Variants in LINGO2 observed in about 807,000 individuals in gnomAD.
LINGO2 encodes the protein leucine-rich repeat and immunoglobulin-like domain-containing nogo receptor-interacting protein 2.
A neutral mutation model predicts 30.6 loss-of-function variants in LINGO2; 14 were observed. The observed-to-expected ratio is 0.46, with a 90% confidence interval of 0.30 to 0.72. The LOEUF (loss-of-function observed/expected upper bound fraction) is 0.72. LINGO2 is among the 30% of genes least tolerant of loss of function. The probability of loss-of-function intolerance (pLI) is 0.07; values close to 1 mark genes in which losing one functional copy is unlikely to be tolerated. For missense variants in LINGO2, 729 were observed against 751.7 expected, an observed-to-expected ratio of 0.97 and a Z score of 0.35; for synonymous variants, 317 against 288.5, an observed-to-expected ratio of 1.10 and a Z score of -1.00.
chr9:29,161,799 A>G, the LINGO2 span, among the ~76,000 whole-genome samples: 1 of 152,248 alleles, frequency 6.6e-6, no homozygotes, highest in Non-Finnish European at 1.5e-5. Flanking sequence ...TAGTAACAAT[A>G]AAAACTATAA....
At chr9:28,502,445 G>C (rs1819929736) in intron 1 of LINGO2, among the ~76,000 whole-genome samples, 2 of 151,938 alleles carry the variant, frequency 1.3e-5, no homozygotes, top group African/African-American at 2.4e-5. Flanking sequence ...TGAAATTTCA[G>C]GATTTCAATC....
intron 4 of LINGO2, among the ~76,000 whole-genome samples, chr9:28,049,336 ACGT>A (rs1824565360): frequency 6.6e-6 from 1 of 150,840 alleles, no homozygotes; most frequent in Middle Eastern, 3.2e-3. Flanking sequence ...ACAACATAGT[ACGT>A]ACAGTACTAG....
chr9:29,069,856 C>T, the LINGO2 span, among the ~76,000 whole-genome samples: 3 of 151,964 alleles, frequency 2.0e-5, no homozygotes, highest in Admixed American at 2.0e-4. Flanking sequence ...ATAGCCAGGA[C>T]TATAAATCAA....
At chr9:29,153,697 T>C in the LINGO2 span, among the ~76,000 whole-genome samples, 1 of 152,234 alleles carries the variant, frequency 6.6e-6, no homozygotes, top group African/African-American at 2.4e-5. Flanking sequence ...AAGCTGAACT[T>C]ATTTTTCTAA....
the LINGO2 span, among the ~76,000 whole-genome samples, chr9:28,980,523 C>T: frequency 1.3e-5 from 2 of 152,080 alleles, no homozygotes; most frequent in Non-Finnish European, 2.9e-5. Context: ...TTCCTCTTCT[C>T]TCCTTTGCTT....
rs565538468 is a variant in LINGO2, at chr9:28,111,260, T to A, written c.-86-98855A>T. Among the ~76,000 whole-genome samples the A allele has an allele frequency of 2.6e-5, 4 of 151,978 alleles. No homozygotes were observed. In the South Asian group the frequency reaches 8.3e-4, roughly 31 times the overall value. On this transcript the variant is annotated intron_variant, in intron 4 of 5. Coordinates refer to ENST00000379992, the Ensembl canonical transcript of LINGO2. ...GGGGGCTTGGGGGCTACAGGAGGTATAGCATTAGGAGAAATACCTAACACA... is the reference window on the plus strand; with the variant it reads ...GGGGGCTTGGGGGCTACAGGAGGTAAAGCATTAGGAGAAATACCTAACACA...
At chr9:28,792,466 C>A in the LINGO2 span, among the ~76,000 whole-genome samples, 1 of 152,002 alleles carries the variant, frequency 6.6e-6, no homozygotes, top group African/African-American at 2.4e-5. Context: ...AACACACTAT[C>A]TTCAGCTACA....
chr9:28,205,057 G>C (rs1298808545), intron 4 of LINGO2, among the ~76,000 whole-genome samples: 3 of 151,034 alleles, frequency 2.0e-5, no homozygotes, highest in Non-Finnish European at 4.4e-5. Context: ...AATATGTGTT[G>C]AGTCCCAAAT....
the LINGO2 span, among the ~76,000 whole-genome samples, chr9:29,064,635 CATA>C: frequency 2.3e-4 from 35 of 152,070 alleles, no homozygotes; most frequent in South Asian, 6.0e-3. Context: ...AAGAAAAGTA[CATA>C]ATAATAATTG....
At chr9:28,454,050 C>T (rs938067219) in intron 2 of LINGO2, among the ~76,000 whole-genome samples, 2 of 151,928 alleles carry the variant, frequency 1.3e-5, no homozygotes, top group African/African-American at 2.4e-5. Context: ...TAATGAGACA[C>T]GCTAAAATCA....
chr9:28,973,886 T>C, the LINGO2 span, among the ~76,000 whole-genome samples: 2 of 152,124 alleles, frequency 1.3e-5, no homozygotes, highest in Non-Finnish European at 2.9e-5. Context: ...TCCTACAAGA[T>C]ATGTTAAAGT....
intron 1 of LINGO2, among the ~76,000 whole-genome samples, chr9:28,504,201 A>G (rs533006956): frequency 6.6e-6 from 1 of 152,064 alleles, no homozygotes; most frequent in South Asian, 2.1e-4. Context: ...AAAATAATGC[A>G]AACAATCATA....
chr9:28,441,898 G>A (rs1200088405), intron 2 of LINGO2, among the ~76,000 whole-genome samples: 1 of 152,012 alleles, frequency 6.6e-6, no homozygotes, highest in Admixed American at 6.6e-5. Context: ...ATTGTTAGTT[G>A]TCTCTGACTT....
At chr9:28,460,923 T>C (rs1417122616) in intron 2 of LINGO2, among the ~76,000 whole-genome samples, 1 of 152,130 alleles carries the variant, frequency 6.6e-6, no homozygotes, top group South Asian at 2.1e-4. Context: ...TGTTGTATCA[T>C]TTCCTTTTTA....
chr9:28,725,810 A>T, the LINGO2 span, among the ~76,000 whole-genome samples: 1 of 152,086 alleles, frequency 6.6e-6, no homozygotes, highest in African/African-American at 2.4e-5. Context: ...ACATTGAAAA[A>T]AATCCTAAAT....
chr9:28,074,830 T>G (rs1825577860), intron 4 of LINGO2, among the ~76,000 whole-genome samples: 1 of 152,190 alleles, frequency 6.6e-6, no homozygotes, highest in African/African-American at 2.4e-5. Context: ...ATTTTGATGG[T>G]TTTATTTTAT....
At chr9:27,954,747 T>C (rs1299053305) in intron 5 of LINGO2, among the ~76,000 whole-genome samples, 1 of 152,196 alleles carries the variant, frequency 6.6e-6, no homozygotes, top group Non-Finnish European at 1.5e-5. Flanking sequence ...AAAAGAGGTT[T>C]AATGGACTTA....
Position 28,498,929 on chromosome 9 carries a change from T to C in LINGO2, c.-364-22904A>G, listed in dbSNP as rs567835054. On this transcript the variant is annotated intron_variant, in intron 1 of 5. Coordinates refer to ENST00000379992, the Ensembl canonical transcript of LINGO2. ...GTGGTAGCAATAAAGGTAAATATTA[T>C]AAAATATTAAATTATCCACTATGAT... Among the ~76,000 whole-genome samples the C allele has an allele frequency of 1.6e-4, 24 of 152,288 alleles. 1 individual carries two copies. In the South Asian group the frequency reaches 4.1e-3, roughly 26 times the overall value.
chr9:28,347,882 C>G (rs971813697), intron 3 of LINGO2, among the ~76,000 whole-genome samples: 1 of 152,152 alleles, frequency 6.6e-6, no homozygotes, highest in African/African-American at 2.4e-5. Flanking sequence ...TCCTGTCTAG[C>G]TCAAAGATGT....
Sources: allele counts gnomAD v4.1 joint callset (sites outside exome capture counted in the v4.1 genomes callset), GRCh38; gene constraint gnomAD v4.1.1; transcripts MANE v1.5; gene names NCBI Gene and HGNC (gene_info 2026-07-23, HGNC 2026-07-21).